The following ZNF45 variants were observed in gnomAD, a reference collection of about 807,000 sequenced individuals.
The protein encoded by ZNF45 is BRC1744.
ZNF45 carries 4 observed loss-of-function variants against 12.0 expected under a neutral mutation model. The observed-to-expected ratio is 0.33, with a 90% CI of 0.16 to 0.76. The LOEUF (loss-of-function observed/expected upper bound fraction) is 0.76. ZNF45 is among the 30% of genes least tolerant of loss of function. The pLI is 0.60. For missense variants in ZNF45, 700 were observed against 813.0 expected, an observed-to-expected ratio of 0.86 and a Z score of 1.69; for synonymous variants, 272 against 279.6, an observed-to-expected ratio of 0.97 and a Z score of 0.27.
At chr19:43,916,731 T>C (rs1972713574) in intron 9 of ZNF45, among the ~76,000 whole-genome samples, 1 of 152,042 alleles carries the variant, frequency 6.6e-6, no homozygotes, top group East Asian at 1.9e-4. Flanking sequence ...ATTACAAAAG[T>C]GAAAGAACTT....
chr19:43,925,045 T>C (rs1412520663), intron 4 of ZNF45: 1 of 152,170 alleles, frequency 6.6e-6, no homozygotes, highest in African/African-American at 2.4e-5. Context: ...GTGGGGCCTT[T>C]AGGAGGTAAT....
Position 43,914,119 on chromosome 19 carries a change from T to G in ZNF45, c.1317A>C (p.Thr439=). The change falls in exon 10 of 10, where the codon ACA becomes ACC. Residue 439 remains threonine (T), a synonymous_variant. Coordinates refer to ENST00000269973, the MANE Select transcript of ZNF45 (RefSeq NM_003425.4). Reference sequence around the variant, plus strand: ...CCTCACATTTATAGGGTTTTTCCCCTGTATGGACTCTAAAATGAATGTTAA... The same window carrying G: ...CCTCACATTTATAGGGTTTTTCCCCGGTATGGACTCTAAAATGAATGTTAA... ...SDFNIHFRVH[T]GEKPYKCEEC... The G allele has an allele frequency of 6.2e-7, 1 of 1,613,276 alleles. No individual in the cohort carries two copies. The highest frequency in any genetic ancestry group is 8.5e-7 in the Non-Finnish European group (1 of 1,179,760).
At position 43,914,846 on chromosome 19, in the gene ZNF45, C is replaced by T; in HGVS notation, c.590G>A (p.Cys197Tyr). 4 of 1,612,434 alleles carry T rather than the reference C, an allele frequency of 2.5e-6. No individual in the cohort carries two copies. Among genetic ancestry groups the T allele is most frequent in the South Asian group, 1.1e-5 (1 of 91,044 alleles). The change falls in exon 10 of 10, where the codon TGT becomes TAT. Residue 197 changes from cysteine (C) to tyrosine (Y), a missense_variant. Physicochemically the swap from Cys to Tyr is radical, Grantham distance 194. Transcript: ENST00000269973. ...TGAAAACCGACGGAAGGCATTATCA[C>T]ATTTTTCACATTTGTAGGGCTTCTC... ...AGEKPYKCEKCDNAFRRFSSL... is the reference protein window; with the variant it reads ...AGEKPYKCEKYDNAFRRFSSL...
chr19:43,922,069 G>A, intron 7 of ZNF45, 102 bp downstream of exon 7: 1 of 1,241,900 alleles, frequency 8.1e-7, no homozygotes, highest in South Asian at 1.7e-5. Flanking sequence ...GTTCTCAAAT[G>A]TCTACCGTTC....
chr19:43,933,761 T>A lies in ZNF45; in HGVS notation c.-487+665A>T, dbSNP rs182185217. Among the ~76,000 whole-genome samples, 97 of 152,368 alleles carry A rather than the reference T, an allele frequency of 6.4e-4. 1 individual carries two copies. The highest frequency in any genetic ancestry group is 1.2e-4 in the Non-Finnish European group (8 of 68,038). On this transcript the variant is annotated intron_variant, in intron 2 of 9. Transcript: ENST00000269973. The stretch of plus-strand genomic sequence containing the variant: ...AAACAGAAATGCATTAAAATGTTAA[T>A]AATTATCTATATCCTAGTATTAAGG...
intron 3 of ZNF45, among the ~76,000 whole-genome samples, chr19:43,927,742 C>A (rs368316): frequency 0.46 from 70,318 of 151,866 alleles, 17,736 homozygotes; most frequent in East Asian, 0.81. Flanking sequence ...CCCTGAAGAA[C>A]ATAGAAAATT....
In ZNF45 at chr19:43,913,256, G is replaced by T. The variant is rs903341085; in HGVS notation, c.*131C>A. Reference sequence around the variant, plus strand: ...ATGCAGTCCATATGTCTCCACTCTTGTGAGGCTTCTCTGCTGTGTGGTCTC... The same window carrying T: ...ATGCAGTCCATATGTCTCCACTCTTTTGAGGCTTCTCTGCTGTGTGGTCTC... On this transcript the variant is annotated 3_prime_UTR_variant, in exon 10 of 10. Transcript: ENST00000269973. 1.0e-5 allele frequency: 11 copies of T among 1,053,122 alleles called. No individual in the cohort carries two copies. The highest frequency in any genetic ancestry group is 1.4e-5 in the Non-Finnish European group (10 of 740,086). 65.2% of individuals were successfully genotyped at this position (1,053,122 alleles called of 1,614,324 possible).
At chr19:43,930,207 ACTCT>A (rs561677336) in intron 3 of ZNF45, among the ~76,000 whole-genome samples, 2 of 151,888 alleles carry the variant, frequency 1.3e-5, no homozygotes, top group African/African-American at 4.8e-5. Flanking sequence ...AGGGAGGTGA[ACTCT>A]CTCTCTGAAG....
rs1199772758 is a variant in ZNF45, at chr19:43,914,059, A to C, written c.1377T>G (p.Leu459=). Reference sequence around the variant, plus strand: ...CAGTGTGGCCTCTTTGATGGGCCAGAAGATTTGAGGCCTGGCTGAAGCCCT... The same window carrying C: ...CAGTGTGGCCTCTTTGATGGGCCAGCAGATTTGAGGCCTGGCTGAAGCCCT... ...CGKGFSQASN[L]LAHQRGHTGE... The change falls in exon 10 of 10, where the codon CTT becomes CTG. Residue 459 remains leucine, a synonymous_variant. Coordinates refer to ENST00000269973, the MANE Select transcript of ZNF45 (RefSeq NM_003425.4). The C allele has an allele frequency of 1.2e-6, 2 of 1,614,004 alleles. No homozygotes were observed. The highest frequency in any genetic ancestry group is 1.7e-6 in the Non-Finnish European group (2 of 1,179,960).
chr19:43,916,756 T>C (rs1376473159), intron 9 of ZNF45, among the ~76,000 whole-genome samples: 1 of 152,148 alleles, frequency 6.6e-6, no homozygotes, highest in African/African-American at 2.4e-5. Flanking sequence ...AAGTAAACGA[T>C]GCATAATGGG....
intron 2 of ZNF45, 47 bp downstream of exon 2, chr19:43,934,379 A>G (rs542753041): frequency 1.3e-5 from 2 of 152,356 alleles, no homozygotes; most frequent in East Asian, 3.9e-4. Flanking sequence ...CAATTATACA[A>G]TAACGGAACA....
At position 43,913,420 on chromosome 19, in the gene ZNF45, A is replaced by AG; in HGVS notation, c.2015dup (p.Ser673PhefsTer25). The AG allele has an allele frequency of 1.3e-6, 2 of 1,561,520 alleles. No individual in the cohort carries two copies. Among genetic ancestry groups the AG allele is most frequent in the East Asian group, 4.5e-5 (2 of 44,452 alleles). On this transcript the variant is annotated frameshift_variant, in exon 10 of 10. Coordinates refer to ENST00000269973, the MANE Select transcript of ZNF45 (RefSeq NM_003425.4). LOFTEE classifies it low-confidence loss of function (END_TRUNC). ...TTTTCCTGTGTGAATCCTCTGATGA[A>AG]GGAAAGTCCTTGTCACCCTCATCAT... is the stretch of plus-strand genomic sequence containing the variant.
chr19:43,923,159 ACTTTAACCTCGC>A (rs1197846154), intron 6 of ZNF45, among the ~76,000 whole-genome samples: 2 of 152,068 alleles, frequency 1.3e-5, no homozygotes, highest in African/African-American at 4.8e-5. Flanking sequence ...TTTAACCTCT[ACTTTAACCTCGC>A]CTTTAACCTC....
intron 8 of ZNF45, 112 bp from the exon 9 acceptor site, chr19:43,919,074 C>T (rs995961818): frequency 3.8e-6 from 3 of 798,246 alleles, no homozygotes; most frequent in African/African-American, 1.7e-5. Context: ...GTGTTTTCCA[C>T]ACTTCTAATC....
chr19:43,926,345 A>T (rs902766144), intron 3 of ZNF45: 1 of 152,210 alleles, frequency 6.6e-6, no homozygotes, highest in Non-Finnish European at 1.5e-5. Context: ...AAGGAAAAGC[A>T]TCTCTGGATT....
intron 7 of ZNF45, among the ~76,000 whole-genome samples, chr19:43,921,155 C>A: frequency 6.6e-6 from 1 of 152,174 alleles, no homozygotes; most frequent in East Asian, 1.9e-4. Flanking sequence ...AAGTAAAAAT[C>A]CTGGAGTCTT....
intron 7 of ZNF45, among the ~76,000 whole-genome samples, chr19:43,920,586 G>A (rs577701599): frequency 1.6e-3 from 213 of 133,454 alleles, no homozygotes; most frequent in Middle Eastern, 3.9e-3. Flanking sequence ...AGAAGCACTA[G>A]CATATCGTAT....
In ZNF45 at chr19:43,915,548, G is replaced by A. The variant is rs1018558645; in HGVS notation, c.236-348C>T. Among the ~76,000 whole-genome samples, 93 of 152,344 alleles carry A rather than the reference G, an allele frequency of 6.1e-4. 4 individuals are homozygous for A. Among genetic ancestry groups the A allele is most frequent in the Admixed American group, 5.8e-3 (89 of 15,308 alleles). ...CTGGGCCGTGGATCAGTACCAGTCC[G>A]TGGCCTGTTAGGATCTGGGCCACAC... On this transcript the variant is annotated intron_variant, in intron 9 of 9. Coordinates refer to ENST00000269973, the MANE Select transcript of ZNF45 (RefSeq NM_003425.4).
Position 43,914,515 on chromosome 19 carries a change from T to C in ZNF45, c.921A>G (p.Glu307=). The C allele has an allele frequency of 6.2e-7, 1 of 1,612,912 alleles. No homozygotes were observed. The highest frequency in any genetic ancestry group is 1.3e-5 in the African/African-American group (1 of 74,918). ...GCCAACTGAAGCTCTTCCCACACTC[T>C]TCACACTTATATGGTTTCTTTCCAG... ...VHTGKKPYKC[E]ECGKSFSWRS... is the part of the protein sequence containing the mutation. Residue 307 remains glutamate (E), a synonymous_variant, in exon 10 of 10, where the codon GAA becomes GAG. Transcript: ENST00000269973.
Sources: gnomAD v4.1 joint callset for allele counts (sites outside exome capture counted in the v4.1 genomes callset) on GRCh38, gnomAD v4.1.1 for gene constraint, MANE v1.5 for transcripts, NCBI Gene and HGNC (gene_info 2026-07-23, HGNC 2026-07-21) for gene names.